The following FGF13 variants were observed in gnomAD, a reference collection of about 807,000 sequenced individuals.
FGF13 encodes fibroblast growth factor homologous factor 2.
In FGF13, 2 loss-of-function variants were observed where a neutral mutation model predicts 19.5. The observed-to-expected ratio is 0.10, with a 90% CI of 0.04 to 0.32. The LOEUF is 0.32. Among genes scored for constraint, FGF13 ranks in the 10% least tolerant of loss-of-function variants. FGF13 has a pLI of 1.00. For synonymous variants in FGF13, 72 were observed against 76.9 expected, an observed-to-expected ratio of 0.94 and a Z score of 0.33; for missense variants, 113 against 192.7, an observed-to-expected ratio of 0.59 and a Z score of 2.45.
At chrX:138,809,994 A>G (rs2090907424) in intron 3 of FGF13, among the ~76,000 whole-genome samples, 2 of 111,926 alleles carry the variant, frequency 1.8e-5, no homozygotes, top group South Asian at 3.8e-4. Context: ...GGAAGAATCA[A>G]TATTGTGAAA....
In FGF13 at chrX:138,624,561, AC is replaced by A. The variant is rs1356547229; in HGVS notation, c.*8288del. 3 of 110,185 alleles carry A rather than the reference AC, an allele frequency of 2.7e-5. No individual in the cohort carries two copies. The highest frequency in any genetic ancestry group is 3.7e-4 in the South Asian group (1 of 2,669). 9.1% of individuals were successfully genotyped at this position (110,185 alleles called of 1,213,427 possible). A position where few individuals can be genotyped will look rare whatever the true frequency, so the allele number is the denominator to read the frequency against. On this transcript the variant is annotated 3_prime_UTR_variant, in exon 5 of 5. Transcript: ENST00000315930. ...AGCACATGCAACAAAGTAAAAATAA[AC>A]AAGTCAGACTACATTAAATTAAAAA... is the stretch of plus-strand genomic sequence containing the variant.
intron 1 of FGF13, among the ~76,000 whole-genome samples, chrX:139,125,206 T>A (rs2083706688): frequency 9.0e-6 from 1 of 111,693 alleles, no homozygotes; most frequent in East Asian, 2.8e-4. Flanking sequence ...TCAGGAGTAT[T>A]TTTAAGTCTC....
chrX:139,154,107 A>G (rs1318905328), intron 1 of FGF13, among the ~76,000 whole-genome samples: 1 of 111,710 alleles, frequency 9.0e-6, no homozygotes, highest in Non-Finnish European at 1.9e-5. Flanking sequence ...GACCAAACAC[A>G]AAAAAGTCTT....
intron 1 of FGF13, among the ~76,000 whole-genome samples, chrX:138,868,691 C>T (rs1743384161): frequency 1.8e-5 from 2 of 111,118 alleles, no homozygotes; most frequent in Admixed American, 1.9e-4. Flanking sequence ...ACACTCCTGT[C>T]TTCCTAGAAA....
chrX:139,153,946 C>G (rs1164454383), intron 1 of FGF13, among the ~76,000 whole-genome samples: 1 of 111,483 alleles, frequency 9.0e-6, no homozygotes, highest in Non-Finnish European at 1.9e-5. Flanking sequence ...CAAGGAAGCA[C>G]TCTCCCCTAG....
At chrX:138,859,348 A>C (rs931745268) in intron 2 of FGF13, among the ~76,000 whole-genome samples, 2 of 112,364 alleles carry the variant, frequency 1.8e-5, no homozygotes, top group African/African-American at 6.5e-5. Flanking sequence ...AACTCTTTAA[A>C]AAAAGAAGCA....
chrX:138,960,735 C>G, intron 1 of FGF13, among the ~76,000 whole-genome samples: 1 of 111,689 alleles, frequency 9.0e-6, no homozygotes, highest in East Asian at 2.8e-4. Flanking sequence ...CTAAACTTCT[C>G]TTCTCACTTC....
intron 1 of FGF13, among the ~76,000 whole-genome samples, chrX:138,997,532 C>T (rs1486229674): frequency 1.8e-5 from 2 of 111,161 alleles, no homozygotes; most frequent in Non-Finnish European, 3.8e-5. Flanking sequence ...ACTTCGAGAA[C>T]CATACACAAG....
chrX:138,836,773 A>G (rs1207431598), intron 3 of FGF13, among the ~76,000 whole-genome samples: 1 of 111,318 alleles, frequency 9.0e-6, no homozygotes, highest in African/African-American at 3.3e-5. Context: ...GAAAGAGGGC[A>G]CTCTAGCTTT....
chrX:139,060,827 G>GT (rs949411979), intron 1 of FGF13, among the ~76,000 whole-genome samples: 43 of 107,190 alleles, frequency 4.0e-4, no homozygotes, highest in African/African-American at 5.4e-4. Flanking sequence ...TACTTTTTCT[G>GT]TTTTTTTTTC....
intron 1 of FGF13, among the ~76,000 whole-genome samples, chrX:139,081,782 A>T (rs1363503499): frequency 9.1e-6 from 1 of 109,777 alleles, no homozygotes; most frequent in Non-Finnish European, 1.9e-5. Flanking sequence ...TTTTCAAATG[A>T]TGTAACTAAT....
chrX:138,829,149 C>G (rs930845389), intron 3 of FGF13, among the ~76,000 whole-genome samples: 6 of 111,721 alleles, frequency 5.4e-5, no homozygotes, highest in Non-Finnish European at 1.1e-4. Flanking sequence ...AATTTCCTTT[C>G]TCTGTCTCAC....
At chrX:138,728,486 T>C (rs1033920000) in intron 1 of FGF13, among the ~76,000 whole-genome samples, 1 of 111,710 alleles carries the variant, frequency 9.0e-6, no homozygotes, top group Admixed American at 9.5e-5. Context: ...TTACATTATA[T>C]TGAGTTCACA....
chrX:139,101,057 A>G lies in FGF13; in HGVS notation c.-113+102359T>C, dbSNP rs143812683. On this transcript the variant is annotated intron_variant, in intron 1 of 2. Transcript: ENST00000421460. ...ATGCTCTGAATGTGTCCAGTACTCA[A>G]ATATGACTTATGCCCATTTAAATTG... Among the ~76,000 whole-genome samples, 865 of 111,500 alleles carry G rather than the reference A, an allele frequency of 7.8e-3. 6 individuals are homozygous for G. Among genetic ancestry groups the G allele is most frequent in the African/African-American group, 0.027 (821 of 30,749 alleles).
intron 1 of FGF13, among the ~76,000 whole-genome samples, chrX:138,961,443 G>T (rs776917634): frequency 3.6e-5 from 4 of 111,318 alleles, no homozygotes; most frequent in Non-Finnish European, 5.7e-5. Flanking sequence ...CTACTCGGGG[G>T]TCAAGGACCC....
intron 1 of FGF13, among the ~76,000 whole-genome samples, chrX:139,108,151 C>T (rs981937010): frequency 7.1e-5 from 8 of 112,042 alleles, no homozygotes; most frequent in African/African-American, 2.6e-4. Flanking sequence ...TGAAGTCCCT[C>T]GTGAGTTATA....
In FGF13 at chrX:139,168,472, A is replaced by G. The variant is rs138071114; in HGVS notation, c.-113+34944T>C. Reference sequence around the variant, plus strand: ...CAACAAGTATATGTTTATGTTAGGTAAATGTTGAGGGGGAAAAAGAGGGCT... The same window carrying G: ...CAACAAGTATATGTTTATGTTAGGTGAATGTTGAGGGGGAAAAAGAGGGCT... On this transcript the variant is annotated intron_variant, in intron 1 of 2. Transcript: ENST00000421460. Among the ~76,000 whole-genome samples, 843 of 111,982 alleles carry G rather than the reference A, an allele frequency of 7.5e-3. 6 individuals carry two copies. The highest frequency in any genetic ancestry group is 0.026 in the African/African-American group (806 of 30,890).
At chrX:138,806,730 A>G (rs2090871108) in intron 3 of FGF13, 1 of 111,340 alleles carries the variant, frequency 9.0e-6, no homozygotes, top group African/African-American at 3.3e-5. Context: ...TAGGTAGCCA[A>G]TGAGAGGGAC....
intron 2 of FGF13, among the ~76,000 whole-genome samples, chrX:138,704,492 T>A (rs2089976719): frequency 8.9e-6 from 1 of 112,716 alleles, no homozygotes; most frequent in African/African-American, 3.2e-5. Flanking sequence ...CAGTCTGTTA[T>A]GGTTTCTGTG....
Sources: allele counts gnomAD v4.1 joint callset (sites outside exome capture counted in the v4.1 genomes callset), GRCh38; gene constraint gnomAD v4.1.1; transcripts MANE v1.5; gene names NCBI Gene and HGNC (gene_info 2026-07-23, HGNC 2026-07-21).